Variants in DNAH2 observed in about 807,000 individuals in gnomAD.
DNAH2 encodes dynein axonemal heavy chain 2.
Under a neutral mutation model 523.5 loss-of-function variants are expected in DNAH2, and 323 were observed. The observed-to-expected ratio is 0.62, with a 90% CI of 0.56 to 0.68. DNAH2 has a LOEUF of 0.68. Ranked by LOEUF, DNAH2 falls within the 30% of genes least tolerant of loss-of-function variation. The pLI is 0.00. For missense variants in DNAH2, 4,907 were observed against 5,701.5 expected (o/e 0.86, Z 4.49); for synonymous variants, 2,093 against 2,177.4 (o/e 0.96, Z 1.08).
In DNAH2 at chr17:7,778,478, C is replaced by T. The variant is rs2076518638; in HGVS notation, c.5541+9C>T. Reference sequence around the variant, plus strand: ...ACTCAGGTCTGGCCCAGGTCAGTATCCTGCCACCCTGTGCCAGAAGCCCCT... The same window carrying T: ...ACTCAGGTCTGGCCCAGGTCAGTATTCTGCCACCCTGTGCCAGAAGCCCCT... On this transcript the variant is annotated intron_variant, in intron 35 of 85. Transcript: ENST00000572933. 1 of 1,592,752 alleles carries T rather than the reference C, an allele frequency of 6.3e-7. No individual in the cohort carries two copies. Among genetic ancestry groups the T allele is most frequent in the Non-Finnish European group, 8.6e-7 (1 of 1,167,790 alleles).
chr17:7,833,139 G>C lies in DNAH2; in HGVS notation c.13047G>C (p.Val4349=). Residue 4349 remains valine (V), a synonymous_variant, in exon 85 of 86, where the codon GTG becomes GTC. Transcript: ENST00000572933. ...GGGACCGGAAGAACTCCTGCTTGGT[G>C]GAGGCAGAGCCCATGCAGCTTGTCT... ...AGWDRKNSCL[V]EAEPMQLVCL... 2.5e-6 allele frequency: 4 copies of C among 1,611,894 alleles called. No individual in the cohort carries two copies. Among genetic ancestry groups the C allele is most frequent in the Non-Finnish European group, 3.4e-6 (4 of 1,180,026 alleles).
In DNAH2 at chr17:7,780,241, T is replaced by C. The variant is rs367624040; in HGVS notation, c.5807T>C (p.Ile1936Thr). The C allele has an allele frequency of 1.9e-6, 3 of 1,614,030 alleles. No homozygotes were observed. The highest frequency in any genetic ancestry group is 2.5e-6 in the Non-Finnish European group (3 of 1,180,036). ...IAMVVPDSTL[I>T]AEIILFGEGF... Reference sequence around the variant, plus strand: ...ATGGTGGTGCCTGACTCCACCCTCATTGCAGAAATCATTCTCTTTGGAGAG... The same window carrying C: ...ATGGTGGTGCCTGACTCCACCCTCACTGCAGAAATCATTCTCTTTGGAGAG... Residue 1936 changes from isoleucine (I) to threonine (T), a missense_variant, in exon 37 of 86, where the codon ATT becomes ACT. Around this residue, in one of 3 missense-constraint regions of DNAH2, gnomAD observed 2,806 missense variants for 3,190.8 expected, o/e 0.88. Transcript: ENST00000572933. The surrounding 1 kb of genome is among the most constrained non-coding windows in gnomAD (Gnocchi z 4.4).
In DNAH2 at chr17:7,774,979, C is replaced by A; in HGVS notation, c.4719+3C>A. 2 of 1,613,256 alleles carry A rather than the reference C, an allele frequency of 1.2e-6. No individual in the cohort carries two copies. The highest frequency in any genetic ancestry group is 2.2e-5 in the South Asian group (2 of 90,984). ...TCAAGTTGCTGAGAATCCAGAAGGT[C>A]AGTAGAAGTGGCCACAGTGAGATGC... On this transcript the variant is annotated splice_donor_region_variant and intron_variant, in intron 29 of 85. Coordinates refer to ENST00000572933, the MANE Select transcript of DNAH2 (RefSeq NM_020877.5).
intron 12 of DNAH2, 73 bp from the exon 13 acceptor site, chr17:7,757,018 C>T: frequency 3.1e-6 from 5 of 1,593,974 alleles, no homozygotes; most frequent in Non-Finnish European, 4.3e-6. Flanking sequence ...CCCAGCCTCT[C>T]CACCTGTTCG....
intron 15 of DNAH2, 127 bp downstream of exon 15, chr17:7,759,251 C>T (rs2075936239): frequency 1.6e-5 from 24 of 1,469,232 alleles, no homozygotes; most frequent in Non-Finnish European, 2.1e-5. Context: ...ACATCGTGCT[C>T]TAGTCTTGGA....
At chr17:7,743,196 A>G (rs746571491) in intron 12 of DNAH2, 54 bp downstream of exon 12, 63 of 1,568,340 alleles carry the variant, frequency 4.0e-5, no homozygotes, top group Non-Finnish European at 5.2e-5. Flanking sequence ...CAGCTCTCCC[A>G]AGAATTTCAC....
rs781064291 is a variant in DNAH2 at position 7,740,878 on chromosome 17, G to A, written c.1575G>A (p.Leu525=). Residue 525 remains leucine, a synonymous_variant, in exon 11 of 86, where the codon CTG becomes CTA. Transcript: ENST00000572933. The stretch of plus-strand genomic sequence containing the variant: ...TGCTGTTCAATAGCGAGCTGGCCCT[G>A]GTGAACCGTGAACGGAACAAGAAAT... ...LYMLFNSELA[L]VNRERNKKWP... 6.2e-7 allele frequency: 1 copy of A among 1,614,070 alleles called. No homozygotes were observed. The highest frequency in any genetic ancestry group is 2.2e-5 in the East Asian group (1 of 44,868).
In DNAH2 at chr17:7,817,506, G is replaced by A. The variant is rs573855095; in HGVS notation, c.10021-55G>A. The A allele has an allele frequency of 5.0e-5, 80 of 1,613,500 alleles. No homozygotes were observed. The African/African-American group carries it at 5.6e-4, about 11-fold the overall frequency. On this transcript the variant is annotated intron_variant, in intron 65 of 85. Transcript: ENST00000572933. Reference sequence around the variant, plus strand: ...ATATTAAGAGATACCGTGAAGGCGCGGGGGCTGCTGGGCTCAGCTCTTCAA... The same window carrying A: ...ATATTAAGAGATACCGTGAAGGCGCAGGGGCTGCTGGGCTCAGCTCTTCAA...
chr17:7,831,401 G>A lies in DNAH2; in HGVS notation c.12471G>A (p.Leu4157=), dbSNP rs750719080. The change falls in exon 81 of 86, where the codon TTG becomes TTA. Residue 4157 remains leucine, a synonymous_variant. Coordinates refer to ENST00000572933, the MANE Select transcript of DNAH2 (RefSeq NM_020877.5). This position sits in a 1 kb window ranked among gnomAD's most constrained non-coding sequence, Gnocchi z 4.2. The part of the protein sequence containing the change: ...GQTREEKVLE[L]AADVKQKIPE... ...TCCTGCCTGCTCAGGTCCTTGAGTT[G>A]GCCGCTGATGTGAAGCAGAAGATCC... 1.2e-6 allele frequency: 2 copies of A among 1,614,130 alleles called. No individual in the cohort carries two copies. Among genetic ancestry groups the A allele is most frequent in the Non-Finnish European group, 1.7e-6 (2 of 1,180,024 alleles).
chr17:7,732,434 CA>C (rs796065817), intron 4 of DNAH2, among the ~76,000 whole-genome samples: 2,371 of 54,714 alleles, frequency 0.043, 15 homozygotes, highest in African/African-American at 0.11. Context: ...GACTCCATCT[CA>C]AAAAAAAAAA....
Position 7,754,424 on chromosome 17 carries a change from C to T in DNAH2, c.1905-2667C>T. 2 of 648,574 alleles carry T rather than the reference C, an allele frequency of 3.1e-6. No individual in the cohort carries two copies. Among genetic ancestry groups the T allele is most frequent in the Non-Finnish European group, 5.5e-6 (2 of 364,872 alleles). 40.2% of individuals were successfully genotyped at this position (648,574 alleles called of 1,614,324 possible). A position where few individuals can be genotyped will look rare whatever the true frequency, so the allele number is the denominator to read the frequency against. On this transcript the variant is annotated intron_variant, in intron 12 of 85. Coordinates refer to ENST00000572933, the MANE Select transcript of DNAH2 (RefSeq NM_020877.5). This position sits in a 1 kb window ranked among gnomAD's most constrained non-coding sequence, Gnocchi z 4.6. ...CAAGTCCACACCATACACCACCAGT[C>T]CCGAAAATGGCACAGAAATGGTATC...
At chr17:7,773,278 GC>G (rs1401828709) in intron 28 of DNAH2, among the ~76,000 whole-genome samples, 1 of 152,198 alleles carries the variant, frequency 6.6e-6, no homozygotes, top group African/African-American at 2.4e-5. Flanking sequence ...GTGTGCACAT[GC>G]CATGTATCTA....
intron 44 of DNAH2, among the ~76,000 whole-genome samples, chr17:7,791,702 CT>C (rs2076901590): frequency 6.6e-6 from 1 of 152,172 alleles, no homozygotes; most frequent in Non-Finnish European, 1.5e-5. Context: ...AGTGAGGAAG[CT>C]CAGGGCAACT....
chr17:7,757,228 A>T lies in DNAH2; in HGVS notation c.2042A>T (p.Asp681Val). Reference protein sequence around the residue: ...LRENLLLVARDYNRIIAMLSP... With the variant: ...LRENLLLVARVYNRIIAMLSP... ...GAAAATCTGCTACTCGTTGCTAGAG[A>T]CTACAATAGGTAGGGCTTCAGTCCT... is the stretch of plus-strand genomic sequence containing the variant. The change falls in exon 13 of 86, where the codon GAC becomes GTC. Residue 681 changes from aspartate (D) to valine (V), a missense_variant. Around this residue, in one of 3 missense-constraint regions of DNAH2, gnomAD observed 2,806 missense variants for 3,190.8 expected, o/e 0.88. Coordinates refer to ENST00000572933, the MANE Select transcript of DNAH2 (RefSeq NM_020877.5). The T allele has an allele frequency of 6.2e-7, 1 of 1,614,088 alleles. No homozygotes were observed. Among genetic ancestry groups the T allele is most frequent in the African/African-American group, 1.3e-5 (1 of 75,024 alleles).
chr17:7,760,841 C>G lies in DNAH2; in HGVS notation c.2887C>G (p.Arg963Gly). 6.2e-7 allele frequency: 1 copy of G among 1,614,168 alleles called. No individual in the cohort carries two copies. The highest frequency in any genetic ancestry group is 8.5e-7 in the Non-Finnish European group (1 of 1,180,032). The change falls in exon 18 of 86, where the codon CGG (arginine) becomes GGG (glycine). Residue 963 changes from arginine (R) to glycine (G), a missense_variant. Transcript: ENST00000572933. This position sits in a 1 kb window ranked among gnomAD's most constrained non-coding sequence, Gnocchi z 4.0. ...CTACCTCAAGACCTGGGACATGTAC[C>G]GGGAGATCTGGGAGATCAACAAGGA... is the stretch of plus-strand genomic sequence containing the variant. ...QNYLKTWDMYREIWEINKDSF... is the reference protein window; with the variant it reads ...QNYLKTWDMYGEIWEINKDSF...
At chr17:7,771,952 G>A (rs1567673587) in intron 28 of DNAH2, among the ~76,000 whole-genome samples, 4 of 152,112 alleles carry the variant, frequency 2.6e-5, no homozygotes, top group African/African-American at 9.7e-5. Context: ...TTGACCTCAG[G>A]TGATTCACCT....
chr17:7,789,311 A>T (rs2076832025), intron 44 of DNAH2, among the ~76,000 whole-genome samples: 1 of 152,216 alleles, frequency 6.6e-6, no homozygotes, highest in Non-Finnish European at 1.5e-5. Context: ...AGAGGGCAAG[A>T]GTGGCCTCTG....
intron 12 of DNAH2, among the ~76,000 whole-genome samples, chr17:7,755,882 C>T (rs1463135788): frequency 6.6e-6 from 1 of 151,690 alleles, no homozygotes; most frequent in Admixed American, 6.6e-5. Context: ...TAACTGCAAC[C>T]TCCACCTCCC....
chr17:7,786,358 A>G lies in DNAH2; in HGVS notation c.6348+16A>G, dbSNP rs780764848. 8 of 1,605,902 alleles carry G rather than the reference A, an allele frequency of 5.0e-6. No homozygotes were observed. The African/African-American group carries it at 1.1e-4, about 21-fold the overall frequency. On this transcript the variant is annotated intron_variant, in intron 40 of 85. Transcript: ENST00000572933. The surrounding 1 kb of genome is among the most constrained non-coding windows in gnomAD (Gnocchi z 7.5). ...CATTGTTAGAGTACGGGGCTGGGAC[A>G]GTGGAGTCAGTGGGCAGAGACTTGA... is the stretch of plus-strand genomic sequence containing the variant.
Sources: gnomAD v4.1 joint callset for allele counts (sites outside exome capture counted in the v4.1 genomes callset) on GRCh38, gnomAD v4.1.1 for gene constraint, gnomAD v4.1.1 regional missense constraint, Gnocchi (gnomAD v3.1) non-coding constraint, MANE v1.5 for transcripts, NCBI Gene and HGNC (gene_info 2026-07-23, HGNC 2026-07-21) for gene names.